LRRC4C: variants seen among roughly 807,000 people sequenced by gnomAD.
LRRC4C encodes leucine-rich repeat-containing protein 4C.
LRRC4C carries 5 observed loss-of-function variants against 33.6 expected under a neutral mutation model. That is an observed-to-expected ratio of 0.15 (90% CI 0.08 to 0.31). LRRC4C has a LOEUF of 0.31. Ranked by LOEUF, LRRC4C falls within the 10% of genes least tolerant of loss-of-function variation. LRRC4C has a pLI of 1.00. For synonymous variants in LRRC4C, 329 were observed against 302.0 expected, an observed-to-expected ratio of 1.09 and a Z score of -0.93; for missense variants, 560 against 796.7, an observed-to-expected ratio of 0.70 and a Z score of 3.58.
At chr11:40,125,549 C>T (rs529250759) in intron 6 of LRRC4C, among the ~76,000 whole-genome samples, 102 of 144,706 alleles carry the variant, frequency 7.0e-4, no homozygotes, top group Middle Eastern at 3.6e-3. Context: ...ATGTTCATTT[C>T]TTCTCTCTCT....
chr11:41,200,596 T>A (rs1225738032), intron 1 of LRRC4C, among the ~76,000 whole-genome samples: 1 of 152,122 alleles, frequency 6.6e-6, no homozygotes, highest in Non-Finnish European at 1.5e-5. Flanking sequence ...GCTTTACCGA[T>A]GATGGAGTAA....
chr11:41,096,149 T>A (rs188273136), intron 1 of LRRC4C, among the ~76,000 whole-genome samples: 79 of 152,276 alleles, frequency 5.2e-4, no homozygotes, highest in Admixed American at 4.6e-3. Flanking sequence ...ATCGACATTA[T>A]AATATATATA....
At chr11:40,673,387 T>C (rs1944230830) in intron 2 of LRRC4C, among the ~76,000 whole-genome samples, 1 of 152,164 alleles carries the variant, frequency 6.6e-6, no homozygotes, top group Non-Finnish European at 1.5e-5. Flanking sequence ...GTAATTATAA[T>C]AGTAACACCT....
chr11:41,161,306 T>C (rs1944460876), intron 1 of LRRC4C, among the ~76,000 whole-genome samples: 1 of 152,196 alleles, frequency 6.6e-6, no homozygotes, highest in African/African-American at 2.4e-5. Flanking sequence ...TTTGCCTAAA[T>C]GGTTTAATCA....
At chr11:40,395,512 G>A (rs1949503692) in intron 3 of LRRC4C, among the ~76,000 whole-genome samples, 1 of 152,156 alleles carries the variant, frequency 6.6e-6, no homozygotes, top group African/African-American at 2.4e-5. Context: ...GTGCAGCATT[G>A]TAGAAAGAGC....
intron 2 of LRRC4C, among the ~76,000 whole-genome samples, chr11:40,898,785 A>C (rs1336673014): frequency 1.3e-5 from 2 of 151,530 alleles, no homozygotes; most frequent in Non-Finnish European, 2.9e-5. Context: ...AAAAAAAAAA[A>C]CATTAACCAA....
At chr11:40,251,039 C>T (rs1866748031) in intron 4 of LRRC4C, among the ~76,000 whole-genome samples, 1 of 152,058 alleles carries the variant, frequency 6.6e-6, no homozygotes, top group Admixed American at 6.6e-5. Flanking sequence ...ATCTGCTATT[C>T]TCACTGGGAT....
At chr11:40,165,804 G>T (rs1017638364) in intron 5 of LRRC4C, among the ~76,000 whole-genome samples, 97 of 152,160 alleles carry the variant, frequency 6.4e-4, no homozygotes, top group Non-Finnish European at 6.2e-4. Context: ...AATTAGCCGG[G>T]CGTGGTGGTG....
In LRRC4C at chr11:40,447,685, G is replaced by A. The variant is rs185139913; in HGVS notation, c.-269-127964C>T. On this transcript the variant is annotated intron_variant, in intron 3 of 6. Coordinates refer to ENST00000528697, the MANE Select transcript of LRRC4C (RefSeq NM_001258419.2). ...AACTTCCCATCTAAGCAAACTCTCCGTCTCTAAGTGAAGGCTTCTGCGTGG... is the reference window on the plus strand; with the variant it reads ...AACTTCCCATCTAAGCAAACTCTCCATCTCTAAGTGAAGGCTTCTGCGTGG... Among the ~76,000 whole-genome samples the A allele has an allele frequency of 1.4e-4, 22 of 152,234 alleles. No homozygotes were observed. The East Asian group carries it at 1.7e-3, about 12-fold the overall frequency.
At chr11:40,945,023 C>CTTTTTTTT (rs767515626) in intron 1 of LRRC4C, among the ~76,000 whole-genome samples, 77 of 111,064 alleles carry the variant, frequency 6.9e-4, no homozygotes, top group Non-Finnish European at 1.1e-3. Context: ...TGCAGTTTTT[C>CTTTTTTTT]TTTTTTTTTT....
intron 1 of LRRC4C, among the ~76,000 whole-genome samples, chr11:41,001,877 T>G (rs1592306060): frequency 7.3e-6 from 1 of 137,710 alleles, no homozygotes; most frequent in African/African-American, 2.6e-5. Flanking sequence ...TTTTTTTTTT[T>G]TGTACCATCC....
intron 3 of LRRC4C, among the ~76,000 whole-genome samples, chr11:40,333,575 G>C (rs1171872106): frequency 1.3e-5 from 2 of 151,926 alleles, no homozygotes; most frequent in Non-Finnish European, 2.9e-5. Flanking sequence ...AAACTAGCAG[G>C]GGGTGGTGGC....
chr11:40,426,012 AT>A (rs58586544), intron 3 of LRRC4C, among the ~76,000 whole-genome samples: 8,136 of 128,562 alleles, frequency 0.063, 403 homozygotes, highest in African/African-American at 0.18. Context: ...AGTCAGTTGC[AT>A]TTTTTTTTTT....
chr11:41,058,113 T>A (rs1287925040), intron 1 of LRRC4C, among the ~76,000 whole-genome samples: 1 of 152,242 alleles, frequency 6.6e-6, no homozygotes. Context: ...GACATCCTCC[T>A]GGCTTGCCAT....
intron 2 of LRRC4C, among the ~76,000 whole-genome samples, chr11:40,904,887 C>T (rs746970875): frequency 9.2e-5 from 14 of 152,100 alleles, no homozygotes; most frequent in Non-Finnish European, 1.6e-4. Flanking sequence ...ACTTAAAAGT[C>T]GATGTTCAAA....
intron 2 of LRRC4C, among the ~76,000 whole-genome samples, chr11:40,701,296 G>A (rs1945852418): frequency 6.6e-6 from 1 of 151,986 alleles, no homozygotes; most frequent in Non-Finnish European, 1.5e-5. Flanking sequence ...TCCCTGTAGG[G>A]CAGCATTAAT....
At chr11:40,803,486 T>C (rs932110501) in intron 2 of LRRC4C, among the ~76,000 whole-genome samples, 3 of 152,194 alleles carry the variant, frequency 2.0e-5, no homozygotes, top group African/African-American at 7.2e-5. Context: ...ATTGGTTCAA[T>C]AAAATGCATC....
intron 1 of LRRC4C, among the ~76,000 whole-genome samples, chr11:40,977,264 A>G (rs1852153024): frequency 6.6e-6 from 1 of 152,104 alleles, no homozygotes; most frequent in Non-Finnish European, 1.5e-5. Context: ...CCTGGTTCCT[A>G]ACAGGCCAGG....
chr11:40,397,157 G>A lies in LRRC4C; in HGVS notation c.-269-77436C>T, dbSNP rs571081127. ...GTAACGTATATTTAAATGATCAGGT[G>A]TGAAATCATCCCCTACCCAATCTCT... On this transcript the variant is annotated intron_variant, in intron 3 of 6. Coordinates refer to ENST00000528697, the MANE Select transcript of LRRC4C (RefSeq NM_001258419.2). Among the ~76,000 whole-genome samples the A allele has an allele frequency of 5.2e-4, 79 of 152,142 alleles. 2 individuals carry two copies. In the South Asian group the frequency reaches 0.016, roughly 31 times the overall value.
Sources: allele counts gnomAD v4.1 joint callset (sites outside exome capture counted in the v4.1 genomes callset), GRCh38; gene constraint gnomAD v4.1.1; transcripts MANE v1.5; gene names NCBI Gene and HGNC (gene_info 2026-07-23, HGNC 2026-07-21).